Variants in PLXNA2 observed in about 807,000 individuals in gnomAD.
The protein encoded by PLXNA2 is plexin-A2.
Under a neutral mutation model 193.5 loss-of-function variants are expected in PLXNA2, and 91 were observed. The observed-to-expected ratio is 0.47, with a 90% CI of 0.40 to 0.56. PLXNA2 has a LOEUF of 0.56. PLXNA2 is among the 20% of genes least tolerant of loss of function. PLXNA2 has a pLI of 0.00. For missense variants in PLXNA2, 1,995 were observed against 2,503.2 expected, an observed-to-expected ratio of 0.80 and a Z score of 4.33; for synonymous variants, 997 against 1,027.3, an observed-to-expected ratio of 0.97 and a Z score of 0.56.
intron 22 of PLXNA2, among the ~76,000 whole-genome samples, chr1:208,040,574 G>A (rs993431145): frequency 6.6e-6 from 1 of 152,216 alleles, no homozygotes; most frequent in African/African-American, 2.4e-5. Flanking sequence ...TACGTTGGCT[G>A]TGTGACCTTG....
chr1:208,120,498 A>C (rs2102448229), intron 4 of PLXNA2, among the ~76,000 whole-genome samples: 1 of 152,310 alleles, frequency 6.6e-6, no homozygotes, highest in Admixed American at 6.5e-5. Context: ...CCCTGAGACA[A>C]GAAGATTGAA....
At chr1:208,037,788 C>G (rs1664719080) in intron 26 of PLXNA2, among the ~76,000 whole-genome samples, 1 of 151,968 alleles carries the variant, frequency 6.6e-6, no homozygotes, top group South Asian at 2.1e-4. Flanking sequence ...AAACACCTCA[C>G]CTTCTATCTT....
intron 12 of PLXNA2, among the ~76,000 whole-genome samples, chr1:208,072,505 C>G (rs151219929): frequency 2.2e-4 from 33 of 152,298 alleles, no homozygotes; most frequent in African/African-American, 7.7e-4. Flanking sequence ...ACTACCTGGG[C>G]CCCATTGTCT....
chr1:208,050,149 T>A (rs1361630487), intron 17 of PLXNA2, among the ~76,000 whole-genome samples: 1 of 152,236 alleles, frequency 6.6e-6, no homozygotes, highest in African/African-American at 2.4e-5. Flanking sequence ...AAACTTATCA[T>A]CTTAGCAACC....
chr1:208,084,642 A>C, intron 9 of PLXNA2, 62 bp from the exon 10 acceptor site: 6 of 1,489,418 alleles, frequency 4.0e-6, no homozygotes, highest in Non-Finnish European at 5.6e-6. Flanking sequence ...TGTGCCTGGG[A>C]CAGGCAGGCC....
At chr1:208,189,451 C>T (rs1300876286) in intron 3 of PLXNA2, among the ~76,000 whole-genome samples, 1 of 151,588 alleles carries the variant, frequency 6.6e-6, no homozygotes, top group Non-Finnish European at 1.5e-5. Flanking sequence ...GCAGGCCCAC[C>T]AGAAGGGAAC....
intron 26 of PLXNA2, 121 bp from the exon 27 acceptor site, chr1:208,034,713 A>T: frequency 4.8e-6 from 3 of 629,376 alleles, no homozygotes; most frequent in Non-Finnish European, 5.8e-6. Flanking sequence ...GGAGTACAGG[A>T]ATACCAGAAA....
chr1:208,217,690 G>A lies in PLXNA2; in HGVS notation c.233C>T (p.Thr78Ile). The A allele has an allele frequency of 1.2e-6, 2 of 1,614,196 alleles. No homozygotes were observed. The highest frequency in any genetic ancestry group is 1.7e-6 in the Non-Finnish European group (2 of 1,180,028). Residue 78 changes from threonine to isoleucine, a missense_variant, in exon 2 of 32, where the codon ACC (threonine) becomes ATC (isoleucine). Physicochemically the swap from Thr to Ile is moderately conservative, Grantham distance 89. Transcript: ENST00000367033. The surrounding 1 kb of genome is among the most constrained non-coding windows in gnomAD (Gnocchi z 4.7). ...NRVYKLTGNL[T>I]IQVAHKTGPE... ...CCCTGTCTTATGAGCCACCTGGATGGTCAGGTTGCCTGTCAGCTTATAGAC... is the reference window on the plus strand; with the variant it reads ...CCCTGTCTTATGAGCCACCTGGATGATCAGGTTGCCTGTCAGCTTATAGAC...
At chr1:208,086,629 C>A (rs117748068) in intron 9 of PLXNA2, among the ~76,000 whole-genome samples, 3 of 152,064 alleles carry the variant, frequency 2.0e-5, no homozygotes, top group East Asian at 1.9e-4. Flanking sequence ...CAGGCAGGCA[C>A]GGCATCCACG....
rs17011882 is a variant in PLXNA2 at position 208,079,432 on chromosome 1, G to C, written c.2414C>G (p.Ala805Gly). The change falls in exon 12 of 32, where the codon GCA becomes GGA. Residue 805 changes from alanine (A) to glycine (G), a missense_variant. By Grantham distance (60) the Ala-to-Gly change is moderately conservative (BLOSUM62 0). Transcript: ENST00000367033. ...GAGGCCGCAGCTCTCCCGCTGGGCT[G>C]CACACTTGTAGAGATGGACTGCAAA... ...QDLKVHLYKCAAQRESCGLCL... is the reference protein window; with the variant it reads ...QDLKVHLYKCGAQRESCGLCL... 41,992 of 1,601,622 alleles carry C rather than the reference G, an allele frequency of 0.026. 1,091 individuals are homozygous for C. The highest frequency in any genetic ancestry group is 0.1 in the Admixed American group (5,985 of 58,316).
chr1:208,039,045 G>A (rs1664769300), intron 24 of PLXNA2, 61 bp from the exon 25 acceptor site: 1 of 1,492,036 alleles, frequency 6.7e-7, no homozygotes, highest in Non-Finnish European at 9.2e-7. Context: ...TGAGGGAGAG[G>A]GTCAGGACCT....
chr1:208,033,636 C>A, intron 27 of PLXNA2, 127 bp from the exon 28 acceptor site: 1 of 675,276 alleles, frequency 1.5e-6, no homozygotes, highest in Non-Finnish European at 2.4e-6. Context: ...GAAAGGGGAC[C>A]GTTGGGACCT....
intron 1 of PLXNA2, among the ~76,000 whole-genome samples, chr1:208,231,986 A>G (rs930510067): frequency 6.6e-6 from 1 of 152,220 alleles, no homozygotes; most frequent in Non-Finnish European, 1.5e-5. Context: ...TTGCAAATGG[A>G]TATGGGGTCT....
intron 1 of PLXNA2, among the ~76,000 whole-genome samples, chr1:208,229,871 C>G (rs1203181433): frequency 6.6e-6 from 1 of 152,190 alleles, no homozygotes; most frequent in Non-Finnish European, 1.5e-5. Flanking sequence ...GGTTCCAGAA[C>G]AGGGTCTTCA....
chr1:208,032,128 G>A (rs1664523967), intron 28 of PLXNA2: 1 of 985,432 alleles, frequency 1.0e-6, no homozygotes, highest in Non-Finnish European at 1.2e-6. Flanking sequence ...GGAACAAGCT[G>A]GAGGACTGGG....
intron 3 of PLXNA2, 77 bp downstream of exon 3, chr1:208,210,203 C>A: frequency 6.7e-7 from 1 of 1,495,022 alleles, no homozygotes; most frequent in Non-Finnish European, 9.3e-7. Context: ...AAATCTCCAC[C>A]AATAGCTACC....
chr1:208,180,816 G>A (rs1669818765), intron 3 of PLXNA2, among the ~76,000 whole-genome samples: 1 of 152,244 alleles, frequency 6.6e-6, no homozygotes, highest in Non-Finnish European at 1.5e-5. Flanking sequence ...GGGGAACTGG[G>A]ATGGAAGATA....
chr1:208,181,199 A>G (rs1669829718), intron 3 of PLXNA2, among the ~76,000 whole-genome samples: 1 of 152,288 alleles, frequency 6.6e-6, no homozygotes, highest in Admixed American at 6.5e-5. Context: ...AATCCCATCT[A>G]CCACTTCCCG....
At chr1:208,198,377 C>T (rs188003920) in intron 3 of PLXNA2, among the ~76,000 whole-genome samples, 15 of 152,328 alleles carry the variant, frequency 9.8e-5, no homozygotes, top group African/African-American at 1.4e-4. Context: ...CCGGGGGCTC[C>T]GAGGGATGCA....
Sources: allele counts gnomAD v4.1 joint callset (sites outside exome capture counted in the v4.1 genomes callset), GRCh38; gene constraint gnomAD v4.1.1; non-coding constraint Gnocchi (gnomAD v3.1); transcripts MANE v1.5; gene names NCBI Gene and HGNC (gene_info 2026-07-23, HGNC 2026-07-21).